CSMD1: variants seen among roughly 807,000 people sequenced by gnomAD.
CSMD1 encodes the protein CUB and sushi domain-containing protein 1.
In CSMD1, 213 loss-of-function variants were observed where a neutral mutation model predicts 417.5. That is an observed-to-expected ratio of 0.51 (90% CI 0.46 to 0.57). The LOEUF is 0.57. Ranked by LOEUF, CSMD1 falls within the 20% of genes least tolerant of loss-of-function variation. The pLI, the probability that CSMD1 is intolerant of heterozygous loss-of-function variation, is 0.00. For missense variants in CSMD1, 6,923 were observed against 4,529.7 expected (o/e 1.53, Z -15.17); for synonymous variants, 2,862 against 1,736.8 (o/e 1.65, Z -16.11).
intron 10 of CSMD1, among the ~76,000 whole-genome samples, chr8:3,547,896 C>T (rs6558789): frequency 0.39 from 58,804 of 151,972 alleles, 11,678 homozygotes; most frequent in Non-Finnish European, 0.42. Flanking sequence ...AAGAAGTACT[C>T]CTAAAATTAC....
At chr8:3,351,703 T>C (rs1410670745) in intron 21 of CSMD1, among the ~76,000 whole-genome samples, 1 of 148,744 alleles carries the variant, frequency 6.7e-6, no homozygotes, top group Non-Finnish European at 1.5e-5. Flanking sequence ...TACGAATAAT[T>C]GTATATAGAA....
intron 1 of CSMD1, among the ~76,000 whole-genome samples, chr8:4,814,993 G>A (rs143258900): frequency 9.1e-4 from 138 of 152,030 alleles, no homozygotes; most frequent in Middle Eastern, 3.4e-3. Flanking sequence ...ATCATTTTCC[G>A]TTTTTTAAAT....
rs774295340 is a variant in CSMD1, at chr8:3,308,326, A to G, written c.3809T>C (p.Leu1270Pro). Reference protein sequence around the residue: ...SGDRRVWDKPLPSCIAECGGQ... With the variant: ...SGDRRVWDKPPPSCIAECGGQ... ...TCCACACTCACCTATGCACGAAGGTAGTGGTTTGTCCCACACTCTCCTGTC... is the reference window on the plus strand; with the variant it reads ...TCCACACTCACCTATGCACGAAGGTGGTGGTTTGTCCCACACTCTCCTGTC... The change falls in exon 24 of 70, where the codon CTA (leucine) becomes CCA (proline). Residue 1270 changes from leucine (L) to proline (P), a missense_variant. Leu to Pro is a moderately conservative substitution (Grantham distance 98). Transcript: ENST00000635120. 5.0e-6 allele frequency: 8 copies of G among 1,610,422 alleles called. No homozygotes were observed. Among genetic ancestry groups the G allele is most frequent in the Middle Eastern group, 1.8e-4 (1 of 5,708 alleles).
At chr8:4,099,894 C>G (rs576961735) in intron 3 of CSMD1, among the ~76,000 whole-genome samples, 23 of 152,232 alleles carry the variant, frequency 1.5e-4, no homozygotes, top group Non-Finnish European at 3.1e-4. Context: ...GGAACCAGTT[C>G]AGACATGGAG....
At chr8:4,088,823 T>C (rs145169170) in intron 3 of CSMD1, among the ~76,000 whole-genome samples, 162 of 152,152 alleles carry the variant, frequency 1.1e-3, no homozygotes, top group African/African-American at 3.4e-3. Flanking sequence ...TGTGGACTCA[T>C]CCCTCCCTCT....
Position 3,240,287 on chromosome 8 carries a change from C to T in CSMD1, c.4154-10056G>A, listed in dbSNP as rs992448030. ...AGTCTCTAAAGCTGTCTTCAAGGAACGGAAAGAGGAGTGGGGAAAGGACTT... is the reference window on the plus strand; with the variant it reads ...AGTCTCTAAAGCTGTCTTCAAGGAATGGAAAGAGGAGTGGGGAAAGGACTT... On this transcript the variant is annotated intron_variant, in intron 26 of 69. Coordinates refer to ENST00000635120, the MANE Select transcript of CSMD1 (RefSeq NM_033225.6). Among the ~76,000 whole-genome samples, 13 of 152,088 alleles carry T rather than the reference C, an allele frequency of 8.5e-5. No individual in the cohort carries two copies. The South Asian group carries it at 1.0e-3, about 12-fold the overall frequency.
chr8:3,996,164 T>C (rs148672453), intron 5 of CSMD1, among the ~76,000 whole-genome samples: 85 of 149,532 alleles, frequency 5.7e-4, no homozygotes, highest in Non-Finnish European at 9.3e-4. Flanking sequence ...CTAGAATCAC[T>C]AACAAATCGG....
At chr8:3,405,879 A>C (rs1249000255) in intron 15 of CSMD1, 148 bp downstream of exon 15, 1 of 660,940 alleles carries the variant, frequency 1.5e-6, no homozygotes, top group African/African-American at 1.8e-5. Context: ...GAACTGGGAG[A>C]CTGTACACTC....
chr8:3,372,004 C>T (rs1809985586), intron 18 of CSMD1, among the ~76,000 whole-genome samples: 1 of 152,110 alleles, frequency 6.6e-6, no homozygotes, highest in Non-Finnish European at 1.5e-5. Context: ...AAATATCTGC[C>T]CTTCTAAAGT....
chr8:4,454,241 T>TA (rs1356436658), intron 2 of CSMD1, among the ~76,000 whole-genome samples: 12 of 152,108 alleles, frequency 7.9e-5, no homozygotes, highest in Non-Finnish European at 1.8e-4. Flanking sequence ...CCACCCTCCT[T>TA]ACAGTGCTTA....
At chr8:4,304,181 G>T (rs1033762143) in intron 3 of CSMD1, among the ~76,000 whole-genome samples, 1 of 152,086 alleles carries the variant, frequency 6.6e-6, no homozygotes, top group African/African-American at 2.4e-5. Context: ...ATTCAAATTT[G>T]GGAGAATAAG....
intron 1 of CSMD1, among the ~76,000 whole-genome samples, chr8:4,747,947 A>G (rs1374797904): frequency 6.6e-6 from 1 of 152,208 alleles, no homozygotes; most frequent in Non-Finnish European, 1.5e-5. Context: ...AAACTACCAT[A>G]TGTTCTGCCT....
rs1390159061 is a variant in CSMD1, at chr8:4,458,590, GA to G, written c.303-38526del. On this transcript the variant is annotated intron_variant, in intron 2 of 69. Coordinates refer to ENST00000635120, the MANE Select transcript of CSMD1 (RefSeq NM_033225.6). Reference sequence around the variant, plus strand: ...AAGACATTGTAACAGTAAATACAAGGAAAAAAAAGAAAAATCATCACCCACA... The same window carrying G: ...AAGACATTGTAACAGTAAATACAAGGAAAAAAAGAAAAATCATCACCCACA... 2.0e-5 allele frequency among the ~76,000 whole-genome samples: 3 copies of G among 151,254 alleles called. No homozygotes were observed. The South Asian group carries it at 6.3e-4, about 32-fold the overall frequency.
chr8:4,478,975 C>T (rs1288192976), intron 2 of CSMD1, among the ~76,000 whole-genome samples: 2 of 152,004 alleles, frequency 1.3e-5, no homozygotes, highest in Non-Finnish European at 2.9e-5. Context: ...TATTAATTCC[C>T]CCAAAAGGAA....
chr8:3,318,826 A>C (rs1805957479), intron 23 of CSMD1, among the ~76,000 whole-genome samples: 1 of 152,178 alleles, frequency 6.6e-6, no homozygotes. Context: ...CAAGAAATAA[A>C]TGCAGCTGCT....
intron 3 of CSMD1, among the ~76,000 whole-genome samples, chr8:4,317,476 C>T (rs1443747867): frequency 6.6e-6 from 1 of 152,140 alleles, no homozygotes; most frequent in African/African-American, 2.4e-5. Flanking sequence ...CAGTGTAAGG[C>T]ATGTACATGC....
chr8:3,563,223 T>G (rs1168023464), intron 10 of CSMD1, among the ~76,000 whole-genome samples: 1 of 152,074 alleles, frequency 6.6e-6, no homozygotes, highest in Non-Finnish European at 1.5e-5. Flanking sequence ...GTCTTCCTTC[T>G]AAAGTGACAT....
intron 5 of CSMD1, among the ~76,000 whole-genome samples, chr8:3,873,009 T>A (rs1409040026): frequency 1.3e-5 from 2 of 151,858 alleles, no homozygotes; most frequent in East Asian, 3.9e-4. Flanking sequence ...TGAGATACCA[T>A]CTCACACTAC....
intron 12 of CSMD1, among the ~76,000 whole-genome samples, chr8:3,427,536 T>C (rs1813932187): frequency 6.6e-6 from 1 of 152,166 alleles, no homozygotes; most frequent in African/African-American, 2.4e-5. Flanking sequence ...AAGAACCTTC[T>C]TCATCAATAT....
Sources: allele counts gnomAD v4.1 joint callset (sites outside exome capture counted in the v4.1 genomes callset), GRCh38; gene constraint gnomAD v4.1.1; transcripts MANE v1.5; gene names NCBI Gene and HGNC (gene_info 2026-07-23, HGNC 2026-07-21).